The following AP2B1 variants were observed in gnomAD, a reference collection of about 807,000 sequenced individuals.
AP2B1 encodes the protein adaptor related protein complex 2 subunit beta 1.
A neutral mutation model predicts 102.0 loss-of-function variants in AP2B1; 23 were observed. The observed-to-expected ratio is 0.23, with a 90% CI of 0.16 to 0.32. AP2B1 has a LOEUF of 0.32. Ranked by LOEUF, AP2B1 falls within the 10% of genes least tolerant of loss-of-function variation. The pLI is 1.00. For missense variants in AP2B1, 541 were observed against 1,157.4 expected (o/e 0.47, Z 7.73); for synonymous variants, 381 against 421.2 (o/e 0.90, Z 1.17).
intron 21 of AP2B1, among the ~76,000 whole-genome samples, chr17:35,720,567 A>ATG (rs1568063646): frequency 1.9e-5 from 1 of 52,344 alleles, no homozygotes; most frequent in Admixed American, 2.1e-4. Flanking sequence ...ATATATATAT[A>ATG]TATATATTTT....
At chr17:35,651,009 A>T in intron 13 of AP2B1, 1 of 521,804 alleles carries the variant, frequency 1.9e-6, no homozygotes, top group South Asian at 2.6e-5. Context: ...AAAATCGGTG[A>T]AAGACTCCTC....
intron 18 of AP2B1, among the ~76,000 whole-genome samples, chr17:35,701,324 C>T (rs1177483918): frequency 6.6e-6 from 1 of 151,992 alleles, no homozygotes; most frequent in East Asian, 1.9e-4. Context: ...ACCCACCAAG[C>T]TAGGGATACT....
At position 35,627,708 on chromosome 17, in the gene AP2B1, G is replaced by T. The variant is rs2074356830; in HGVS notation, c.1137G>T (p.Arg379=). 5.0e-6 allele frequency: 8 copies of T among 1,614,132 alleles called. No individual in the cohort carries two copies. The highest frequency in any genetic ancestry group is 1.1e-5 in the South Asian group (1 of 91,072). The stretch of plus-strand genomic sequence containing the variant: ...GAAAAGCTGTGCGGGCCATTGGACG[G>T]TGTGCCATCAAGGTGGAGGCAAGTG... ...FVRKAVRAIG[R]CAIKVEQSAE... Residue 379 remains arginine (R), a synonymous_variant, in exon 9 of 22, where the codon CGG becomes CGT. Transcript: ENST00000610402.
chr17:35,695,369 G>A (rs1490824117), intron 18 of AP2B1, among the ~76,000 whole-genome samples: 1 of 152,134 alleles, frequency 6.6e-6, no homozygotes, highest in Non-Finnish European at 1.5e-5. Flanking sequence ...AGTAGGAACA[G>A]ATGCAGTGTA....
intron 5 of AP2B1, among the ~76,000 whole-genome samples, chr17:35,610,497 A>C (rs1327781563): frequency 6.6e-6 from 1 of 152,012 alleles, no homozygotes; most frequent in Non-Finnish European, 1.5e-5. Context: ...ATGTTGGCTC[A>C]TATGCCTATA....
chr17:35,685,533 T>TG (rs1447104858), intron 18 of AP2B1, among the ~76,000 whole-genome samples: 2 of 152,040 alleles, frequency 1.3e-5, no homozygotes, highest in African/African-American at 4.8e-5. Flanking sequence ...ACCATAAAAT[T>TG]GGGAAAAAAA....
intron 18 of AP2B1, among the ~76,000 whole-genome samples, chr17:35,701,360 C>T (rs2076235681): frequency 6.6e-6 from 1 of 152,038 alleles, no homozygotes; most frequent in Admixed American, 6.6e-5. Flanking sequence ...CACAATAGCA[C>T]ATTTTCCTAG....
rs536984694 is a variant in AP2B1, at chr17:35,658,797, A to G, written c.1989+1006A>G. ...TGCATATACTGGCATCTTCTCTTCT[A>G]CTTTATGAGGAGTTTTATGTCTGGG... On this transcript the variant is annotated intron_variant, in intron 14 of 21. Coordinates refer to ENST00000610402, the MANE Select transcript of AP2B1 (RefSeq NM_001030006.2). 7.2e-5 allele frequency among the ~76,000 whole-genome samples: 11 copies of G among 152,312 alleles called. No homozygotes were observed. In the South Asian group the frequency reaches 2.3e-3, roughly 32 times the overall value.
chr17:35,603,422 G>C (rs2142368467), intron 3 of AP2B1, among the ~76,000 whole-genome samples: 1 of 152,238 alleles, frequency 6.6e-6, no homozygotes, highest in Non-Finnish European at 1.5e-5. Context: ...CCAAGCTAAT[G>C]GTGCTCCTTT....
rs1381642458 is a variant in AP2B1 at position 35,670,850 on chromosome 17, C to G, written c.1990-7C>G. ...TCTCTCTCCTCTCTCTCCTTTCTCT[C>G]TTTCAGCTTGGCAGTGACCTTGGCG... On this transcript the variant is annotated splice_polypyrimidine_tract_variant and splice_region_variant and intron_variant, in intron 14 of 21. Transcript: ENST00000610402. 1 of 1,613,842 alleles carries G rather than the reference C, an allele frequency of 6.2e-7. No individual in the cohort carries two copies. Among genetic ancestry groups the G allele is most frequent in the East Asian group, 2.2e-5 (1 of 44,886 alleles).
chr17:35,608,314 T>C lies in AP2B1; in HGVS notation c.452T>C (p.Ile151Thr), dbSNP rs751440438. The C allele has an allele frequency of 1.2e-6, 2 of 1,614,198 alleles. No homozygotes were observed. Among genetic ancestry groups the C allele is most frequent in the South Asian group, 1.1e-5 (1 of 91,088 alleles). Reference sequence around the variant, plus strand: ...GTCTGCGTGGCAAAACTCCATGATATCAATGCCCAAATGGTGGAAGATCAG... The same window carrying C: ...GTCTGCGTGGCAAAACTCCATGATACCAATGCCCAAATGGTGGAAGATCAG... ...AAVCVAKLHD[I>T]NAQMVEDQGF... Residue 151 changes from isoleucine to threonine, a missense_variant, in exon 5 of 22, where the codon ATC (isoleucine) becomes ACC (threonine). Around this residue, in one of 10 missense-constraint regions of AP2B1, gnomAD observed 134 missense variants for 250.2 expected, o/e 0.54. Coordinates refer to ENST00000610402, the MANE Select transcript of AP2B1 (RefSeq NM_001030006.2).
At chr17:35,601,803 G>A (rs917444371) in intron 3 of AP2B1, among the ~76,000 whole-genome samples, 5 of 147,966 alleles carry the variant, frequency 3.4e-5, no homozygotes, top group African/African-American at 1.3e-4. Flanking sequence ...TTGAGACCGA[G>A]TTTTGCTCTT....
chr17:35,710,329 T>G lies in AP2B1; in HGVS notation c.2626+9T>G, dbSNP rs1039687208. The G allele has an allele frequency of 1.9e-6, 3 of 1,557,290 alleles. No homozygotes were observed. The highest frequency in any genetic ancestry group is 1.8e-6 in the Non-Finnish European group (2 of 1,130,340). Reference sequence around the variant, plus strand: ...ATGTCATTTAAATGCTGGTGAGTAATATACTCTAAATTTCAGTTTCATCTT... The same window carrying G: ...ATGTCATTTAAATGCTGGTGAGTAAGATACTCTAAATTTCAGTTTCATCTT... On this transcript the variant is annotated intron_variant, in intron 20 of 21. Coordinates refer to ENST00000610402, the MANE Select transcript of AP2B1 (RefSeq NM_001030006.2).
intron 17 of AP2B1, among the ~76,000 whole-genome samples, chr17:35,680,692 T>TG (rs1555576201): frequency 0.045 from 2,547 of 56,938 alleles, 84 homozygotes; most frequent in African/African-American, 0.2. Context: ...TTTGGTTTTT[T>TG]TTTTTTTGTT....
intron 13 of AP2B1, among the ~76,000 whole-genome samples, chr17:35,657,046 C>T (rs903343911): frequency 6.6e-6 from 1 of 152,188 alleles, no homozygotes; most frequent in African/African-American, 2.4e-5. Context: ...TTTGTACAAA[C>T]CTTCTCTTCC....
intron 19 of AP2B1, among the ~76,000 whole-genome samples, 199 bp downstream of exon 19, chr17:35,709,507 C>T (rs1401800412): frequency 2.0e-5 from 3 of 152,150 alleles, no homozygotes; most frequent in African/African-American, 7.2e-5. Flanking sequence ...GTCTCTAAAT[C>T]ACAGTGCCCA....
chr17:35,594,520 A>C (rs1392691741), intron 2 of AP2B1, among the ~76,000 whole-genome samples: 1 of 152,246 alleles, frequency 6.6e-6, no homozygotes, highest in Non-Finnish European at 1.5e-5. Context: ...CTTGGTGTAT[A>C]TCCTCAAGTC....
At chr17:35,624,130 T>G (rs2074255623) in intron 5 of AP2B1, among the ~76,000 whole-genome samples, 1 of 152,218 alleles carries the variant, frequency 6.6e-6, no homozygotes, top group South Asian at 2.1e-4. Context: ...GTTAACATGG[T>G]TAATGTATGT....
chr17:35,598,881 AG>A (rs1218322774), intron 3 of AP2B1, among the ~76,000 whole-genome samples: 4 of 152,216 alleles, frequency 2.6e-5, no homozygotes, highest in Non-Finnish European at 5.9e-5. Context: ...GGGGTCCGTG[AG>A]GTCAAAGCTG....
Sources: gnomAD v4.1 joint callset for allele counts (sites outside exome capture counted in the v4.1 genomes callset) on GRCh38, gnomAD v4.1.1 for gene constraint, gnomAD v4.1.1 regional missense constraint, MANE v1.5 for transcripts, NCBI Gene and HGNC (gene_info 2026-07-23, HGNC 2026-07-21) for gene names.